The following LRP1B variants were observed in gnomAD, a reference collection of about 807,000 sequenced individuals.
LRP1B encodes low-density lipoprotein receptor-related protein 1B.
LRP1B carries 217 observed loss-of-function variants against 556.6 expected under a neutral mutation model. That is an observed-to-expected ratio of 0.39 (90% CI 0.35 to 0.44). LRP1B has a LOEUF of 0.44. LRP1B is among the 20% of genes least tolerant of loss of function. The pLI, the probability that LRP1B is intolerant of heterozygous loss-of-function variation, is 1.00. For missense variants in LRP1B, 5,053 were observed against 5,620.8 expected, an observed-to-expected ratio of 0.90 and a Z score of 3.23; for synonymous variants, 2,047 against 1,865.8, an observed-to-expected ratio of 1.10 and a Z score of -2.50.
At chr2:141,706,792 T>G (rs1159082232) in intron 2 of LRP1B, among the ~76,000 whole-genome samples, 1 of 152,100 alleles carries the variant, frequency 6.6e-6, no homozygotes, top group Non-Finnish European at 1.5e-5. Context: ...ACATATATTT[T>G]TAATCACTTC....
chr2:140,819,093 G>C (rs1691229800), intron 31 of LRP1B, among the ~76,000 whole-genome samples: 1 of 152,084 alleles, frequency 6.6e-6, no homozygotes, highest in African/African-American at 2.4e-5. Context: ...CCTTGCCCTT[G>C]CTGCTCCACC....
At chr2:140,843,106 T>G (rs1391309621) in intron 29 of LRP1B, among the ~76,000 whole-genome samples, 7 of 106,324 alleles carry the variant, frequency 6.6e-5, no homozygotes, top group African/African-American at 1.8e-4. Flanking sequence ...TTTTGTTTTT[T>G]TTTTGGTGGT....
At chr2:141,987,327 T>C (rs1374133146) in intron 1 of LRP1B, among the ~76,000 whole-genome samples, 1 of 151,982 alleles carries the variant, frequency 6.6e-6, no homozygotes, top group Non-Finnish European at 1.5e-5. Flanking sequence ...AGTTTCAGGA[T>C]GTCTGTGTTC....
chr2:140,330,510 G>A (rs925464672), intron 79 of LRP1B, among the ~76,000 whole-genome samples: 21 of 151,976 alleles, frequency 1.4e-4, no homozygotes, highest in African/African-American at 4.3e-4. Context: ...TAGGAGAACT[G>A]GCTAGCCATA....
chr2:141,700,146 A>G (rs1415978395), intron 2 of LRP1B, among the ~76,000 whole-genome samples: 1 of 151,666 alleles, frequency 6.6e-6, no homozygotes, highest in Non-Finnish European at 1.5e-5. Flanking sequence ...TTAGAGAAAA[A>G]TTAATCAAGC....
intron 11 of LRP1B, among the ~76,000 whole-genome samples, chr2:141,048,584 T>C (rs1256097060): frequency 6.6e-6 from 1 of 152,096 alleles, no homozygotes; most frequent in Non-Finnish European, 1.5e-5. Context: ...TGGACATTGA[T>C]ATTTTTCATG....
intron 66 of LRP1B, among the ~76,000 whole-genome samples, chr2:140,426,391 C>A (rs1053340666): frequency 2.6e-5 from 4 of 152,122 alleles, no homozygotes; most frequent in Non-Finnish European, 5.9e-5. Flanking sequence ...TGAAATATTT[C>A]TTTCAGGCCT....
At chr2:141,352,130 G>C (rs1486269747) in intron 3 of LRP1B, among the ~76,000 whole-genome samples, 1 of 151,920 alleles carries the variant, frequency 6.6e-6, no homozygotes, top group Admixed American at 6.6e-5. Context: ...TTTGGATGCT[G>C]TGTGAAAGAT....
intron 78 of LRP1B, 36 bp from the exon 79 acceptor site, chr2:140,334,595 T>C: frequency 2.5e-6 from 3 of 1,219,914 alleles, no homozygotes; most frequent in Non-Finnish European, 3.4e-6. Context: ...AGCCTGGTGA[T>C]GGTGCTGCTA....
chr2:140,626,442 C>T lies in LRP1B; in HGVS notation c.6800-24803G>A, dbSNP rs555816358. On this transcript the variant is annotated intron_variant, in intron 41 of 90. Coordinates refer to ENST00000389484, the MANE Select transcript of LRP1B (RefSeq NM_018557.3). ...GTACCACTCTGACGCAAGATAGGGG[C>T]GGTTGTTCATTTGTGGAAGAAGGGC... Among the ~76,000 whole-genome samples, 70 of 152,048 alleles carry T rather than the reference C, an allele frequency of 4.6e-4. 1 individual carries two copies. The highest frequency in any genetic ancestry group is 1.3e-3 in the African/African-American group (55 of 41,494).
At chr2:140,594,278 A>T (rs13393611) in intron 43 of LRP1B, among the ~76,000 whole-genome samples, 31,127 of 152,150 alleles carry the variant, frequency 0.2, 3,499 homozygotes, top group Admixed American at 0.28. Context: ...CCCATGTTAA[A>T]AAAATTAAAA....
At chr2:141,314,715 C>T (rs892653759) in intron 3 of LRP1B, among the ~76,000 whole-genome samples, 7 of 143,192 alleles carry the variant, frequency 4.9e-5, no homozygotes, top group Non-Finnish European at 7.7e-5. Context: ...GGCGTGAACC[C>T]GGGAGACAGA....
chr2:140,641,228 G>T (rs1436284856), intron 41 of LRP1B, among the ~76,000 whole-genome samples: 1 of 152,168 alleles, frequency 6.6e-6, no homozygotes, highest in Non-Finnish European at 1.5e-5. Context: ...ATGACTGATA[G>T]TATAAAGGGA....
chr2:140,438,529 T>C (rs971184055), intron 66 of LRP1B, among the ~76,000 whole-genome samples: 6 of 152,208 alleles, frequency 3.9e-5, no homozygotes, highest in African/African-American at 1.4e-4. Flanking sequence ...AATTTCCTGA[T>C]CACATATTTA....
At chr2:141,569,376 T>C (rs1326935865) in intron 2 of LRP1B, among the ~76,000 whole-genome samples, 1 of 150,868 alleles carries the variant, frequency 6.6e-6, no homozygotes, top group Non-Finnish European at 1.5e-5. Context: ...GGCATTCCAG[T>C]TGAGAAAAAA....
At chr2:140,851,000 A>G (rs920646255) in intron 28 of LRP1B, among the ~76,000 whole-genome samples, 6 of 152,110 alleles carry the variant, frequency 3.9e-5, no homozygotes, top group Non-Finnish European at 7.4e-5. Flanking sequence ...GTGTAAATTA[A>G]AGCTACATGT....
chr2:141,306,542 G>T (rs1397296274), intron 3 of LRP1B, among the ~76,000 whole-genome samples: 2 of 151,922 alleles, frequency 1.3e-5, no homozygotes, highest in Non-Finnish European at 2.9e-5. Flanking sequence ...AGACTAGTTA[G>T]CAGTTTATCA....
Position 140,261,473 on chromosome 2 carries a change from G to A in LRP1B, c.13247+8769C>T, listed in dbSNP as rs900730127. Among the ~76,000 whole-genome samples the A allele has an allele frequency of 7.3e-5, 11 of 151,638 alleles. 1 individual carries two copies. The highest frequency in any genetic ancestry group is 2.6e-4 in the Admixed American group (4 of 15,202). The stretch of plus-strand genomic sequence containing the variant: ...AGAAAATTAATGATATGAGGACCAA[G>A]GCATTTATGTAAATTTACAGAAGTT... On this transcript the variant is annotated intron_variant, in intron 86 of 90. Coordinates refer to ENST00000389484, the MANE Select transcript of LRP1B (RefSeq NM_018557.3).
chr2:141,093,432 T>C (rs973882180), intron 7 of LRP1B, among the ~76,000 whole-genome samples: 1 of 152,132 alleles, frequency 6.6e-6, no homozygotes, highest in African/African-American at 2.4e-5. Context: ...GAATAACAGA[T>C]TGGAATAAAA....
Sources: gnomAD v4.1 joint callset for allele counts (sites outside exome capture counted in the v4.1 genomes callset) on GRCh38, gnomAD v4.1.1 for gene constraint, MANE v1.5 for transcripts, NCBI Gene and HGNC (gene_info 2026-07-23, HGNC 2026-07-21) for gene names.